Variants in SLC14A2 observed in about 807,000 individuals in gnomAD.
SLC14A2 encodes the protein urea transporter 2.
In SLC14A2, 91 loss-of-function variants were observed where a neutral mutation model predicts 104.6. The observed-to-expected ratio is 0.87, with a 90% CI of 0.73 to 1.04. SLC14A2 has a LOEUF of 1.04. SLC14A2 is among the 50% of genes least tolerant of loss of function. The pLI, the probability that SLC14A2 is intolerant of heterozygous loss-of-function variation, is 0.00. For missense variants in SLC14A2, 1,189 were observed against 1,156.0 expected, an observed-to-expected ratio of 1.03 and a Z score of -0.41; for synonymous variants, 476 against 466.4, an observed-to-expected ratio of 1.02 and a Z score of -0.27.
chr18:45,235,747 C>A (rs1313871162), intron 1 of SLC14A2, among the ~76,000 whole-genome samples: 5 of 149,942 alleles, frequency 3.3e-5, no homozygotes. Context: ...CTGCAAATGA[C>A]AAGATTTCAT....
chr18:45,199,420 T>TA, the SLC14A2 span, among the ~76,000 whole-genome samples: 2 of 151,812 alleles, frequency 1.3e-5, no homozygotes, highest in African/African-American at 2.4e-5. Flanking sequence ...TCATTTTTTT[T>TA]AAATCATGTT....
the SLC14A2 span, among the ~76,000 whole-genome samples, chr18:45,179,173 G>A: frequency 6.6e-6 from 1 of 152,098 alleles, no homozygotes; most frequent in Admixed American, 6.5e-5. Context: ...TTATCAATTT[G>A]CATGGTAGAC....
At chr18:45,407,199 G>A (rs1487791507) in intron 1 of SLC14A2, among the ~76,000 whole-genome samples, 1 of 152,178 alleles carries the variant, frequency 6.6e-6, no homozygotes, top group Non-Finnish European at 1.5e-5. Flanking sequence ...ATCTTGGCTA[G>A]ATCTTCTGGA....
In SLC14A2 at chr18:45,644,096, C is replaced by T. The variant is rs992886597; in HGVS notation, c.1287C>T (p.Tyr429=). The T allele has an allele frequency of 2.5e-6, 4 of 1,614,126 alleles. No homozygotes were observed. Among genetic ancestry groups the T allele is most frequent in the Non-Finnish European group, 3.4e-6 (4 of 1,180,044 alleles). ...IFRLPLSKVT[Y]PEANRIYYLT... ...GACTCCCACTCAGCAAAGTCACCTA[C>T]CCCGAGGCCAACCGCATCTACTACC... Residue 429 remains tyrosine (Y), a synonymous_variant, in exon 10 of 20, where the codon TAC becomes TAT. Transcript: ENST00000255226.
At chr18:45,222,845 G>A (rs371916700) in intron 1 of SLC14A2, among the ~76,000 whole-genome samples, 22 of 152,092 alleles carry the variant, frequency 1.4e-4, no homozygotes, top group African/African-American at 4.8e-4. Flanking sequence ...CCATTTATGG[G>A]GCTTGGATAG....
intron 1 of SLC14A2, among the ~76,000 whole-genome samples, chr18:45,257,725 T>C (rs1299089361): frequency 2.0e-5 from 3 of 152,140 alleles, no homozygotes; most frequent in Non-Finnish European, 4.4e-5. Context: ...GGAGAAGGTA[T>C]AAAATCACTG....
chr18:45,612,516 G>A (rs117057123), upstream of SLC14A2, among the ~76,000 whole-genome samples: 312 of 152,328 alleles, frequency 2.0e-3, 3 homozygotes, highest in East Asian at 0.025. Context: ...ATGTTTATTA[G>A]CTACTTAATA....
intron 1 of SLC14A2, among the ~76,000 whole-genome samples, chr18:45,311,033 G>T (rs954380062): frequency 1.3e-5 from 2 of 152,206 alleles, no homozygotes; most frequent in African/African-American, 4.8e-5. Flanking sequence ...TCAGACATGG[G>T]CAGGTACTGA....
At chr18:45,466,486 A>G (rs2087145255) in intron 1 of SLC14A2, among the ~76,000 whole-genome samples, 1 of 150,918 alleles carries the variant, frequency 6.6e-6, no homozygotes, top group Admixed American at 6.6e-5. Flanking sequence ...GGAATAGAGC[A>G]TGAGTTCCAT....
chr18:45,633,323 T>A (rs1160554970), intron 5 of SLC14A2, among the ~76,000 whole-genome samples: 1 of 152,188 alleles, frequency 6.6e-6, no homozygotes, highest in African/African-American at 2.4e-5. Flanking sequence ...AACCTGCTTG[T>A]GATAGAAGCA....
At chr18:45,622,276 A>G (rs1273818684) in intron 1 of SLC14A2, among the ~76,000 whole-genome samples, 1 of 152,160 alleles carries the variant, frequency 6.6e-6, no homozygotes, top group African/African-American at 2.4e-5. Flanking sequence ...TAGAGACAGA[A>G]TTGTTAAATT....
intron 1 of SLC14A2, among the ~76,000 whole-genome samples, chr18:45,457,978 C>A (rs570072217): frequency 6.6e-6 from 1 of 152,252 alleles, no homozygotes; most frequent in South Asian, 2.1e-4. Flanking sequence ...GACAGGGAAG[C>A]TGCAGACACA....
chr18:45,457,468 T>C (rs1181383911), intron 1 of SLC14A2, among the ~76,000 whole-genome samples: 1 of 152,108 alleles, frequency 6.6e-6, no homozygotes, highest in Non-Finnish European at 1.5e-5. Context: ...GGAGCCTCAG[T>C]GTTGGTAGCT....
chr18:45,195,474 C>A, the SLC14A2 span, among the ~76,000 whole-genome samples: 10 of 152,164 alleles, frequency 6.6e-5, no homozygotes, highest in Admixed American at 5.2e-4. Context: ...TCACCACAAC[C>A]TCCACCTCCC....
intron 10 of SLC14A2, among the ~76,000 whole-genome samples, chr18:45,652,536 C>T (rs2045758393): frequency 6.6e-6 from 1 of 152,224 alleles, no homozygotes; most frequent in African/African-American, 2.4e-5. Context: ...GACTTGGGCC[C>T]TTTCCCTTGG....
chr18:45,390,597 A>AGAG (rs2085949690), intron 1 of SLC14A2, among the ~76,000 whole-genome samples: 1 of 124,178 alleles, frequency 8.1e-6, no homozygotes, highest in African/African-American at 2.8e-5. Context: ...ACCTGAGAGA[A>AGAG]TAATAAAAGA....
intron 1 of SLC14A2, among the ~76,000 whole-genome samples, chr18:45,213,820 G>T (rs1048288487): frequency 2.6e-5 from 4 of 152,144 alleles, no homozygotes; most frequent in African/African-American, 9.7e-5. Context: ...CAATTTGGGG[G>T]AAAGTATCAA....
At chr18:45,176,947 A>C in the SLC14A2 span, among the ~76,000 whole-genome samples, 5 of 152,154 alleles carry the variant, frequency 3.3e-5, no homozygotes, top group Non-Finnish European at 7.3e-5. Context: ...GCCTTTTGAC[A>C]TTTCTACTTG....
intron 1 of SLC14A2, among the ~76,000 whole-genome samples, chr18:45,281,768 A>G (rs2084764973): frequency 6.6e-6 from 1 of 152,158 alleles, no homozygotes; most frequent in South Asian, 2.1e-4. Flanking sequence ...CTCTTAACAA[A>G]TCTGACACCT....
Sources: gnomAD v4.1 joint callset for allele counts (sites outside exome capture counted in the v4.1 genomes callset) on GRCh38, gnomAD v4.1.1 for gene constraint, MANE v1.5 for transcripts, NCBI Gene and HGNC (gene_info 2026-07-23, HGNC 2026-07-21) for gene names.